CDH8: variants seen among roughly 807,000 people sequenced by gnomAD.
CDH8 encodes cadherin 8.
CDH8 carries 17 observed loss-of-function variants against 68.1 expected under a neutral mutation model. The observed-to-expected ratio is 0.25, with a 90% CI of 0.17 to 0.37. The LOEUF (loss-of-function observed/expected upper bound fraction) is 0.37, where lower values mean the gene tolerates loss of function less well. Ranked by LOEUF, CDH8 falls within the 10% of genes least tolerant of loss-of-function variation. The pLI, the probability that CDH8 is intolerant of heterozygous loss-of-function variation, is 1.00. For missense variants in CDH8, 763 were observed against 999.3 expected (o/e 0.76, Z 3.19); for synonymous variants, 372 against 365.1 (o/e 1.02, Z -0.21).
At chr16:61,820,482 G>T (rs1236086367) in intron 6 of CDH8, among the ~76,000 whole-genome samples, 1 of 151,804 alleles carries the variant, frequency 6.6e-6, no homozygotes, top group Non-Finnish European at 1.5e-5. Flanking sequence ...TCACCTCTGT[G>T]GGCAACTGAG....
chr16:61,776,658 C>G (rs1960906260), intron 8 of CDH8, among the ~76,000 whole-genome samples: 1 of 152,072 alleles, frequency 6.6e-6, no homozygotes, highest in African/African-American at 2.4e-5. Flanking sequence ...CAAACATGGT[C>G]ACTTTTTGGC....
chr16:61,863,020 T>C (rs993261150), intron 3 of CDH8, among the ~76,000 whole-genome samples: 1 of 152,142 alleles, frequency 6.6e-6, no homozygotes, highest in African/African-American at 2.4e-5. Flanking sequence ...TAATCCAACT[T>C]GATACTGATC....
chr16:61,841,558 C>G (rs946416623), intron 4 of CDH8, among the ~76,000 whole-genome samples: 1 of 152,044 alleles, frequency 6.6e-6, no homozygotes, highest in East Asian at 1.9e-4. Context: ...GGATTGTTAA[C>G]ATCTAGAAAA....
Position 61,724,574 on chromosome 16 carries a change from A to G in CDH8, c.1536+2520T>C, listed in dbSNP as rs1959288548. Among the ~76,000 whole-genome samples the G allele has an allele frequency of 2.0e-5, 3 of 150,586 alleles. No homozygotes were observed. In the Admixed American group the frequency reaches 2.0e-4, roughly 10 times the overall value. ...CCCAGGAAGCTGATCCCCTGAGTTT[A>G]GCCTTAAATCCACACCTTCCAGCCA... is the stretch of plus-strand genomic sequence containing the variant. On this transcript the variant is annotated intron_variant, in intron 9 of 11. Transcript: ENST00000577390.
intron 10 of CDH8, among the ~76,000 whole-genome samples, chr16:61,667,899 A>G (rs1963711902): frequency 6.6e-6 from 1 of 152,050 alleles, no homozygotes; most frequent in South Asian, 2.1e-4. Flanking sequence ...AACCTAGTTC[A>G]GTGTATTTTC....
chr16:61,968,790 G>A (rs968351017), intron 2 of CDH8, among the ~76,000 whole-genome samples: 1 of 152,176 alleles, frequency 6.6e-6, no homozygotes, highest in African/African-American at 2.4e-5. Context: ...AGCGGCAGGA[G>A]GGAGTTTGCC....
intron 2 of CDH8, among the ~76,000 whole-genome samples, chr16:61,999,638 G>A (rs1309247396): frequency 6.6e-6 from 1 of 152,050 alleles, no homozygotes; most frequent in Admixed American, 6.6e-5. Context: ...TGGGTGTAAA[G>A]TGCCAGGTAG....
At chr16:61,746,051 C>G (rs1374535017) in intron 8 of CDH8, among the ~76,000 whole-genome samples, 2 of 152,046 alleles carry the variant, frequency 1.3e-5, no homozygotes, top group African/African-American at 4.8e-5. Context: ...TCTGTTACTT[C>G]TAGGGTCCAT....
At chr16:61,803,996 C>A (rs1052763060) in intron 7 of CDH8, among the ~76,000 whole-genome samples, 3 of 130,716 alleles carry the variant, frequency 2.3e-5, no homozygotes, top group South Asian at 2.6e-4. Flanking sequence ...ACTCTCCACC[C>A]CAAATCAACA....
chr16:61,857,740 T>A (rs1597021971), intron 3 of CDH8, among the ~76,000 whole-genome samples: 1 of 152,152 alleles, frequency 6.6e-6, no homozygotes, highest in Non-Finnish European at 1.5e-5. Context: ...CAATTAATCA[T>A]CTTGCTTACA....
At chr16:61,685,137 G>T (rs555331557) in intron 10 of CDH8, among the ~76,000 whole-genome samples, 1 of 149,640 alleles carries the variant, frequency 6.7e-6, no homozygotes, top group African/African-American at 2.5e-5. Flanking sequence ...TGAGAATAGA[G>T]AGAAGTTGGG....
At chr16:61,924,047 G>A (rs1315217219) in intron 2 of CDH8, among the ~76,000 whole-genome samples, 1 of 151,600 alleles carries the variant, frequency 6.6e-6, no homozygotes, top group African/African-American at 2.4e-5. Context: ...GTTCCTGGGT[G>A]ATGCTAATAT....
intron 10 of CDH8, among the ~76,000 whole-genome samples, chr16:61,674,868 C>T (rs2142786014): frequency 6.7e-6 from 1 of 148,178 alleles, no homozygotes; most frequent in East Asian, 2.0e-4. Flanking sequence ...TAAAGAACTG[C>T]AGAAGAAAAG....
intron 1 of CDH8, among the ~76,000 whole-genome samples, chr16:62,023,689 G>T (rs867394712): frequency 1.4e-4 from 22 of 152,206 alleles, no homozygotes; most frequent in Middle Eastern, 3.4e-3. Context: ...ACAAAGTTAC[G>T]CAAAGATCTT....
At chr16:62,031,799 C>G (rs1471388790) in intron 1 of CDH8, among the ~76,000 whole-genome samples, 1 of 151,932 alleles carries the variant, frequency 6.6e-6, no homozygotes, top group Non-Finnish European at 1.5e-5. Flanking sequence ...GAAAAAGAAA[C>G]AGTATTGGCC....
At chr16:61,723,311 G>T (rs1959249805) in intron 9 of CDH8, among the ~76,000 whole-genome samples, 1 of 150,622 alleles carries the variant, frequency 6.6e-6, no homozygotes, top group Non-Finnish European at 1.5e-5. Flanking sequence ...CAAGTATATT[G>T]AAGGAAGATA....
At chr16:62,020,350 A>C (rs1381027712) in intron 2 of CDH8, among the ~76,000 whole-genome samples, 2 of 152,300 alleles carry the variant, frequency 1.3e-5, no homozygotes, top group East Asian at 3.9e-4. Context: ...GCTTATGAAC[A>C]GTTCTGAGGA....
chr16:61,874,928 T>C (rs1285976342), intron 3 of CDH8, among the ~76,000 whole-genome samples: 1 of 152,150 alleles, frequency 6.6e-6, no homozygotes, highest in Non-Finnish European at 1.5e-5. Context: ...GCTCTGTTTT[T>C]GCAAGACAGA....
intron 7 of CDH8, among the ~76,000 whole-genome samples, chr16:61,801,376 A>G (rs556679488): frequency 2.0e-5 from 3 of 152,358 alleles, no homozygotes; most frequent in South Asian, 4.1e-4. Flanking sequence ...TAGGTTGAGA[A>G]GTGTGCCCTG....
Sources: gnomAD v4.1 joint callset for allele counts (sites outside exome capture counted in the v4.1 genomes callset) on GRCh38, gnomAD v4.1.1 for gene constraint, MANE v1.5 for transcripts, NCBI Gene and HGNC (gene_info 2026-07-23, HGNC 2026-07-21) for gene names.